RPTOR: variants seen among roughly 807,000 people sequenced by gnomAD.
RPTOR encodes the protein regulatory-associated protein of mTOR.
A neutral mutation model predicts 169.9 loss-of-function variants in RPTOR; 21 were observed. The observed-to-expected ratio is 0.12, with a 90% CI of 0.09 to 0.18. The LOEUF (loss-of-function observed/expected upper bound fraction) is 0.18. RPTOR is among the 10% of genes least tolerant of loss of function. The pLI, the probability that RPTOR is intolerant of heterozygous loss-of-function variation, is 1.00. For synonymous variants in RPTOR, 732 were observed against 753.2 expected, an observed-to-expected ratio of 0.97 and a Z score of 0.46; for missense variants, 1,133 against 1,855.9, an observed-to-expected ratio of 0.61 and a Z score of 7.16.
intron 3 of RPTOR, among the ~76,000 whole-genome samples, chr17:80,666,779 AC>A (rs1354980365): frequency 2.0e-5 from 3 of 152,094 alleles, no homozygotes; most frequent in South Asian, 2.1e-4. Context: ...CAGTCCGAGA[AC>A]CCACCTAAGG....
intron 7 of RPTOR, among the ~76,000 whole-genome samples, chr17:80,795,306 G>GCAAACACCCTTCCCCATCCAC (rs1209048940): frequency 6.6e-6 from 1 of 152,176 alleles, no homozygotes; most frequent in Non-Finnish European, 1.5e-5. Flanking sequence ...AAAAAGAGAA[G>GCAAACACCCTTCCCCATCCAC]CAAACACCCT....
chr17:80,639,413 C>T lies in RPTOR; in HGVS notation c.266-4315C>T, dbSNP rs914487162. Among the ~76,000 whole-genome samples the T allele has an allele frequency of 1.2e-4, 19 of 152,064 alleles. 1 individual carries two copies. Among genetic ancestry groups the T allele is most frequent in the Admixed American group, 1.2e-3 (19 of 15,266 alleles). ...GAAGGATAGCACACAGAGGAAACTG[C>T]ACCTAACCCGGGTGTATCCTAAACT... On this transcript the variant is annotated intron_variant, in intron 2 of 33. Transcript: ENST00000306801.
chr17:80,704,939 G>T (rs2066130970), intron 3 of RPTOR, among the ~76,000 whole-genome samples: 1 of 152,282 alleles, frequency 6.6e-6, no homozygotes, highest in African/African-American at 2.4e-5. Context: ...GCTGGGCATT[G>T]AACAGGCTCC....
intron 6 of RPTOR, among the ~76,000 whole-genome samples, chr17:80,775,815 C>A (rs1171308876): frequency 1.3e-5 from 2 of 152,118 alleles, no homozygotes; most frequent in Admixed American, 1.3e-4. Flanking sequence ...TTTTGCTATT[C>A]CATATTCTTC....
chr17:80,857,074 G>A (rs2067860480), intron 12 of RPTOR, among the ~76,000 whole-genome samples: 1 of 152,212 alleles, frequency 6.6e-6, no homozygotes. Flanking sequence ...TGAAATTCCA[G>A]CAGCTTTGAG....
chr17:80,930,514 T>TATCCCCAGATCATCCCCAGATCATCCC (rs2068883770), intron 24 of RPTOR, among the ~76,000 whole-genome samples: 3 of 6,116 alleles, frequency 4.9e-4, no homozygotes, highest in South Asian at 7.0e-3. Context: ...CAGCTCATCT[T>TATCCCCAGATCATCCCCAGATCATCCC]CAGCTTATCC....
At chr17:80,585,536 C>T (rs988089019) in intron 1 of RPTOR, among the ~76,000 whole-genome samples, 4 of 152,152 alleles carry the variant, frequency 2.6e-5, no homozygotes, top group East Asian at 1.9e-4. Flanking sequence ...GCCGTGGAGG[C>T]GCACAGGGCT....
At chr17:80,888,074 G>A (rs1468592197) in intron 17 of RPTOR, among the ~76,000 whole-genome samples, 1 of 152,154 alleles carries the variant, frequency 6.6e-6, no homozygotes, top group African/African-American at 2.4e-5. Context: ...TCCCTGTCAT[G>A]GCCTCGGGAG....
intron 20 of RPTOR, among the ~76,000 whole-genome samples, chr17:80,907,403 C>G (rs1379093146): frequency 1.3e-5 from 2 of 152,272 alleles, no homozygotes; most frequent in Non-Finnish European, 2.9e-5. Flanking sequence ...ACTCCTGGTG[C>G]CCGCAGGCAG....
intron 1 of RPTOR, among the ~76,000 whole-genome samples, chr17:80,616,992 A>T (rs79641221): frequency 6.6e-6 from 1 of 152,124 alleles, no homozygotes; most frequent in African/African-American, 2.4e-5. Context: ...TCTTCAGGGT[A>T]TAAAAACAGT....
chr17:80,664,755 G>A (rs1005815328), intron 3 of RPTOR, among the ~76,000 whole-genome samples: 4 of 152,136 alleles, frequency 2.6e-5, no homozygotes, highest in Admixed American at 6.5e-5. Context: ...GAGATGGGCC[G>A]TTTATTACAA....
rs2066572041 is a variant in RPTOR at position 80,746,199 on chromosome 17, ACCGCCC to A, written c.655-7808_655-7803del. The stretch of plus-strand genomic sequence containing the variant: ...AAAAAGTGCAGTGCAGGTGATCCCC[ACCGCCC>A]CCACAGCGGTGCTTTCTGCGGGTGA... On this transcript the variant is annotated intron_variant, in intron 5 of 33. Coordinates refer to ENST00000306801, the MANE Select transcript of RPTOR (RefSeq NM_020761.3). The surrounding 1 kb of genome is among the most constrained non-coding windows in gnomAD (Gnocchi z 4.5). Among the ~76,000 whole-genome samples the A allele has an allele frequency of 1.0e-4, 14 of 134,542 alleles. 1 individual carries two copies. The highest frequency in any genetic ancestry group is 2.4e-4 in the African/African-American group (9 of 37,238). The allele number at this position is 134,542 out of a possible 152,430, so 88.3% of individuals were successfully genotyped here. A position where few individuals can be genotyped will look rare whatever the true frequency, so the allele number is the denominator to read the frequency against.
At chr17:80,847,124 C>T (rs2067740871) in intron 11 of RPTOR, among the ~76,000 whole-genome samples, 4 of 152,260 alleles carry the variant, frequency 2.6e-5, no homozygotes, top group South Asian at 4.1e-4. Context: ...CACACAGATC[C>T]GGAAGCCGGC....
chr17:80,700,802 A>ATGGTGATGGTGATGATGGAGG (rs2066093603), intron 3 of RPTOR, among the ~76,000 whole-genome samples: 1 of 5,992 alleles, frequency 1.7e-4, no homozygotes, highest in Non-Finnish European at 3.7e-4. Flanking sequence ...GGTGGTGATG[A>ATGGTGATGGTGATGATGGAGG]TGATGGTGGT....
chr17:80,660,506 A>G (rs930475251), intron 3 of RPTOR, among the ~76,000 whole-genome samples: 3 of 152,094 alleles, frequency 2.0e-5, no homozygotes, highest in African/African-American at 7.2e-5. Flanking sequence ...TTATGGCCAC[A>G]CTCTGAGGAG....
At chr17:80,935,961 G>A (rs2068950523) in intron 24 of RPTOR, among the ~76,000 whole-genome samples, 1 of 152,136 alleles carries the variant, frequency 6.6e-6, no homozygotes, top group South Asian at 2.1e-4. Context: ...AAACACGTAA[G>A]ATTAAGATCT....
At chr17:80,790,007 T>G (rs1474636194) in intron 6 of RPTOR, among the ~76,000 whole-genome samples, 2 of 152,234 alleles carry the variant, frequency 1.3e-5, no homozygotes, top group Admixed American at 1.3e-4. Context: ...ATGCATTTCC[T>G]GTAGATCATT....
At chr17:80,816,507 G>A (rs1274151510) in intron 7 of RPTOR, among the ~76,000 whole-genome samples, 1 of 152,250 alleles carries the variant, frequency 6.6e-6, no homozygotes, top group Non-Finnish European at 1.5e-5. Flanking sequence ...AGGGTGAAGG[G>A]AAGCGCCTTG....
intron 5 of RPTOR, among the ~76,000 whole-genome samples, chr17:80,750,711 C>T (rs2066622310): frequency 6.6e-6 from 1 of 152,054 alleles, no homozygotes; most frequent in Admixed American, 6.6e-5. Context: ...GTTGCATTGC[C>T]GATGCTATTT....
Sources: gnomAD v4.1 joint callset for allele counts (sites outside exome capture counted in the v4.1 genomes callset) on GRCh38, gnomAD v4.1.1 for gene constraint, Gnocchi (gnomAD v3.1) non-coding constraint, MANE v1.5 for transcripts, NCBI Gene and HGNC (gene_info 2026-07-23, HGNC 2026-07-21) for gene names.